Variants in SPOCK1 observed in about 807,000 individuals in gnomAD.
SPOCK1 encodes testican-1.
In SPOCK1, 23 loss-of-function variants were observed where a neutral mutation model predicts 55.3. The ratio of observed to expected loss-of-function variants is 0.42; its 90% CI spans 0.30 to 0.59. SPOCK1 has a LOEUF of 0.59. Ranked by LOEUF, SPOCK1 falls within the 20% of genes least tolerant of loss-of-function variation. The pLI is 0.22. For synonymous variants in SPOCK1, 226 were observed against 221.0 expected (o/e 1.02, Z -0.20); for missense variants, 499 against 552.5 (o/e 0.90, Z 0.97).
At chr5:137,033,427 C>T (rs780111168) in intron 6 of SPOCK1, among the ~76,000 whole-genome samples, 4 of 152,362 alleles carry the variant, frequency 2.6e-5, no homozygotes, top group Non-Finnish European at 4.4e-5. Context: ...AAATGCCCCA[C>T]GTCTGTGAAG....
chr5:137,211,605 G>C (rs1433192703), intron 3 of SPOCK1, among the ~76,000 whole-genome samples: 1 of 152,134 alleles, frequency 6.6e-6, no homozygotes, highest in African/African-American at 2.4e-5. Flanking sequence ...TGGCAGTTGG[G>C]GGCCCCAAGA....
At chr5:137,149,899 T>C (rs58900526) in intron 3 of SPOCK1, among the ~76,000 whole-genome samples, 27,355 of 152,206 alleles carry the variant, frequency 0.18, 3,289 homozygotes, top group East Asian at 0.39. Context: ...CTCAACTCTT[T>C]AGGATTCAGT....
At chr5:137,290,668 T>C (rs1024246694) in intron 2 of SPOCK1, among the ~76,000 whole-genome samples, 17 of 152,352 alleles carry the variant, frequency 1.1e-4, no homozygotes, top group African/African-American at 4.1e-4. Context: ...TGTCTTGATA[T>C]GATTGACATG....
intron 3 of SPOCK1, among the ~76,000 whole-genome samples, chr5:137,209,707 A>G (rs1440583238): frequency 6.6e-6 from 1 of 152,202 alleles, no homozygotes; most frequent in African/African-American, 2.4e-5. Context: ...CTTTCGCCTA[A>G]CAATGGCCAG....
chr5:137,189,520 C>G (rs1002053687), intron 3 of SPOCK1, among the ~76,000 whole-genome samples: 17 of 152,170 alleles, frequency 1.1e-4, no homozygotes, highest in Admixed American at 1.1e-3. Flanking sequence ...GTATATTAAA[C>G]TCACGGTTAC....
chr5:137,078,633 C>T (rs747027901), intron 5 of SPOCK1, among the ~76,000 whole-genome samples: 12 of 152,140 alleles, frequency 7.9e-5, no homozygotes, highest in Non-Finnish European at 1.5e-4. Context: ...GTCTTCATTT[C>T]CTCCTCACTA....
intron 3 of SPOCK1, among the ~76,000 whole-genome samples, chr5:137,164,769 G>A (rs1754617036): frequency 6.6e-6 from 1 of 152,162 alleles, no homozygotes; most frequent in African/African-American, 2.4e-5. Context: ...AACATCAACG[G>A]TAGCCTGGCA....
At chr5:137,308,636 G>T (rs557308727) in intron 2 of SPOCK1, among the ~76,000 whole-genome samples, 1 of 152,318 alleles carries the variant, frequency 6.6e-6, no homozygotes, top group East Asian at 1.9e-4. Flanking sequence ...TAGCCCAGGG[G>T]TGGTAGCAAT....
At chr5:137,100,164 A>G (rs1024393891) in intron 5 of SPOCK1, among the ~76,000 whole-genome samples, 1 of 152,184 alleles carries the variant, frequency 6.6e-6, no homozygotes, top group Non-Finnish European at 1.5e-5. Flanking sequence ...AGTTTGGCAC[A>G]AAGGGCTCAG....
intron 6 of SPOCK1, among the ~76,000 whole-genome samples, chr5:137,019,783 G>A (rs1415837452): frequency 6.6e-6 from 1 of 151,898 alleles, no homozygotes; most frequent in African/African-American, 2.4e-5. Flanking sequence ...CTTCTGAAGT[G>A]CAAAAAGGAA....
intron 2 of SPOCK1, among the ~76,000 whole-genome samples, chr5:137,323,879 T>C (rs1758026745): frequency 6.6e-6 from 1 of 152,166 alleles, no homozygotes; most frequent in Non-Finnish European, 1.5e-5. Flanking sequence ...TATCAGATAG[T>C]GTAAATTAGT....
At chr5:137,261,536 C>T (rs780203511) in intron 3 of SPOCK1, among the ~76,000 whole-genome samples, 2 of 152,126 alleles carry the variant, frequency 1.3e-5, no homozygotes, top group Admixed American at 6.5e-5. Flanking sequence ...CTTCTATTCA[C>T]GAGAACAGCA....
chr5:137,430,262 C>A (rs1184349578), intron 2 of SPOCK1, among the ~76,000 whole-genome samples: 1 of 152,176 alleles, frequency 6.6e-6, no homozygotes, highest in East Asian at 1.9e-4. Context: ...TTTAAACCTA[C>A]CTATAGCATT....
intron 2 of SPOCK1, among the ~76,000 whole-genome samples, chr5:137,435,459 C>G (rs1229856804): frequency 7.5e-6 from 1 of 134,026 alleles, no homozygotes; most frequent in Non-Finnish European, 1.7e-5. Context: ...GAATTTCTTA[C>G]CAATTTTTTT....
intron 6 of SPOCK1, among the ~76,000 whole-genome samples, chr5:137,036,648 G>C (rs951739503): frequency 3.3e-5 from 5 of 152,160 alleles, no homozygotes; most frequent in African/African-American, 1.2e-4. Flanking sequence ...CTAATTTCCA[G>C]TTCAAAGAGC....
chr5:137,029,186 T>G (rs1751732011), intron 6 of SPOCK1, among the ~76,000 whole-genome samples: 1 of 152,172 alleles, frequency 6.6e-6, no homozygotes, highest in Admixed American at 6.5e-5. Context: ...GCTATCTTGG[T>G]TTTGGTTTAT....
chr5:137,384,883 C>T (rs1528957), intron 2 of SPOCK1, among the ~76,000 whole-genome samples: 13,520 of 152,034 alleles, frequency 0.089, 1,370 homozygotes, highest in African/African-American at 0.26. Context: ...ATTACATCTG[C>T]GAAGACCCTC....
chr5:137,318,360 GCT>G (rs984919979), intron 2 of SPOCK1, among the ~76,000 whole-genome samples: 13 of 152,232 alleles, frequency 8.5e-5, no homozygotes, highest in African/African-American at 3.1e-4. Flanking sequence ...GAAAGAAAAG[GCT>G]GTCCTTAAAT....
intron 3 of SPOCK1, among the ~76,000 whole-genome samples, chr5:137,149,759 A>C (rs1754277861): frequency 6.6e-6 from 1 of 152,216 alleles, no homozygotes; most frequent in Admixed American, 6.5e-5. Context: ...CAGCAACTCC[A>C]AGAATTTCTG....
Sources: gnomAD v4.1 joint callset for allele counts (sites outside exome capture counted in the v4.1 genomes callset) on GRCh38, gnomAD v4.1.1 for gene constraint, MANE v1.5 for transcripts, NCBI Gene and HGNC (gene_info 2026-07-23, HGNC 2026-07-21) for gene names.